The following NDST4 variants were observed in gnomAD, a reference collection of about 807,000 sequenced individuals.
NDST4 encodes N-heparan sulfate sulfotransferase 4.
A neutral mutation model predicts 100.8 loss-of-function variants in NDST4; 63 were observed. The observed-to-expected ratio is 0.62, with a 90% CI of 0.51 to 0.77. The LOEUF is 0.77. Ranked by LOEUF, NDST4 falls within the 30% of genes least tolerant of loss-of-function variation. The pLI, the probability that NDST4 is intolerant of heterozygous loss-of-function variation, is 0.00. For missense variants in NDST4, 943 were observed against 1,018.4 expected, an observed-to-expected ratio of 0.93 and a Z score of 1.01; for synonymous variants, 377 against 361.8, an observed-to-expected ratio of 1.04 and a Z score of -0.48.
chr4:114,977,147 T>C (rs760752508), intron 3 of NDST4, 40 bp downstream of exon 3: 4 of 1,224,460 alleles, frequency 3.3e-6, no homozygotes, highest in East Asian at 2.3e-5. Flanking sequence ...TTATTTCCTA[T>C]TTATATGTAG....
chr4:114,955,339 G>A (rs1353996931), intron 4 of NDST4, among the ~76,000 whole-genome samples: 2 of 152,040 alleles, frequency 1.3e-5, no homozygotes, highest in African/African-American at 2.4e-5. Flanking sequence ...CTACAGGAAC[G>A]GAGGCACACT....
At chr4:115,073,868 T>A in intron 2 of NDST4, among the ~76,000 whole-genome samples, 1 of 152,090 alleles carries the variant, frequency 6.6e-6, no homozygotes, top group Non-Finnish European at 1.5e-5. Context: ...TCTAAACATT[T>A]CATTATTTAC....
intron 2 of NDST4, among the ~76,000 whole-genome samples, chr4:115,025,238 G>T (rs1315542619): frequency 6.6e-6 from 1 of 151,884 alleles, no homozygotes; most frequent in Non-Finnish European, 1.5e-5. Flanking sequence ...AGCCTCAACA[G>T]CCTAGAACAT....
intron 2 of NDST4, among the ~76,000 whole-genome samples, chr4:115,007,113 T>C (rs939032616): frequency 6.6e-6 from 1 of 152,148 alleles, no homozygotes; most frequent in African/African-American, 2.4e-5. Context: ...GAAATGGAGA[T>C]ACTGATAGTT....
At chr4:115,108,707 C>T (rs1423295423) in intron 1 of NDST4, among the ~76,000 whole-genome samples, 1 of 151,862 alleles carries the variant, frequency 6.6e-6, no homozygotes, top group Non-Finnish European at 1.5e-5. Flanking sequence ...GGTGGAAGAA[C>T]AGCCCATATG....
intron 6 of NDST4, among the ~76,000 whole-genome samples, chr4:114,899,787 A>T (rs923836759): frequency 2.0e-5 from 3 of 152,012 alleles, no homozygotes; most frequent in Non-Finnish European, 4.4e-5. Flanking sequence ...ATTGGTCTGT[A>T]GTTTTTGTTT....
chr4:114,896,054 AAATATTAAGT>A (rs1334993439), intron 6 of NDST4, among the ~76,000 whole-genome samples: 1 of 152,198 alleles, frequency 6.6e-6, no homozygotes, highest in Non-Finnish European at 1.5e-5. Flanking sequence ...TTCTAATACA[AAATATTAAGT>A]AATATCAAAA....
Position 115,076,791 on chromosome 4 carries a change from GAGA to G in NDST4, c.243_245del (p.Leu82del), listed in dbSNP as rs1729195066. ...GTTGAGAGTATTGGCTCTCCACGAAGAGAAGGACAGTAGGGTCCGTTTTGGATG... is the reference window on the plus strand; with the variant it reads ...GTTGAGAGTATTGGCTCTCCACGAAGAGGACAGTAGGGTCCGTTTTGGATG... On this transcript the variant is annotated inframe_deletion, in exon 2 of 14. Coordinates refer to ENST00000264363, the MANE Select transcript of NDST4 (RefSeq NM_022569.3). 1.2e-6 allele frequency: 2 copies of G among 1,613,978 alleles called. No individual in the cohort carries two copies. Among genetic ancestry groups the G allele is most frequent in the Non-Finnish European group, 1.7e-6 (2 of 1,179,938 alleles).
rs556722144 is a variant in NDST4, at chr4:115,000,963, G to C, written c.979-23689C>G. Among the ~76,000 whole-genome samples the C allele has an allele frequency of 2.0e-5, 3 of 152,176 alleles. No homozygotes were observed. The South Asian group carries it at 6.2e-4, about 32-fold the overall frequency. ...ATGTGTGGCCTCACATGGTGGAAAG[G>C]ATGCATGAACTCCCCTGGGCACCTT... On this transcript the variant is annotated intron_variant, in intron 2 of 13. Transcript: ENST00000264363.
intron 6 of NDST4, among the ~76,000 whole-genome samples, chr4:114,895,785 C>G (rs1483579863): frequency 2.0e-5 from 3 of 151,934 alleles, no homozygotes; most frequent in African/African-American, 7.3e-5. Context: ...CTAACCTGCA[C>G]ATTGTGCACA....
intron 2 of NDST4, among the ~76,000 whole-genome samples, chr4:115,004,419 C>A (rs528392336): frequency 1.3e-5 from 2 of 152,072 alleles, no homozygotes; most frequent in African/African-American, 4.8e-5. Flanking sequence ...GGAGGTAAAG[C>A]GAATTTGCAG....
intron 13 of NDST4, among the ~76,000 whole-genome samples, chr4:114,829,165 A>G (rs113194251): frequency 0.026 from 3,964 of 152,216 alleles, 185 homozygotes; most frequent in African/African-American, 0.091. Flanking sequence ...AGAAATATGT[A>G]TGATACCTGG....
At chr4:114,988,529 T>G (rs1436558339) in intron 2 of NDST4, among the ~76,000 whole-genome samples, 1 of 151,462 alleles carries the variant, frequency 6.6e-6, no homozygotes, top group African/African-American at 2.4e-5. Context: ...GCCTGGCTAA[T>G]TTTTTGTATT....
At chr4:115,102,364 A>C (rs544069280) in intron 1 of NDST4, among the ~76,000 whole-genome samples, 22 of 152,278 alleles carry the variant, frequency 1.4e-4, no homozygotes, top group African/African-American at 5.1e-4. Flanking sequence ...TAAAGGAGAG[A>C]GAAAAATGAT....
chr4:114,912,297 G>A (rs1441279973), intron 6 of NDST4, among the ~76,000 whole-genome samples: 1 of 152,152 alleles, frequency 6.6e-6, no homozygotes, highest in Non-Finnish European at 1.5e-5. Flanking sequence ...TGGTGGCTGT[G>A]AAGGGAAGCA....
chr4:115,078,276 T>C (rs992560851), intron 1 of NDST4, among the ~76,000 whole-genome samples: 1 of 152,060 alleles, frequency 6.6e-6, no homozygotes, highest in African/African-American at 2.4e-5. Context: ...GTGCCAGGTA[T>C]CTCACATGGT....
intron 2 of NDST4, among the ~76,000 whole-genome samples, chr4:115,028,906 G>C (rs1014374853): frequency 6.6e-6 from 1 of 152,094 alleles, no homozygotes; most frequent in African/African-American, 2.4e-5. Context: ...AAAAGTGATG[G>C]CAGGGAGTAG....
chr4:114,940,700 C>A (rs1294200755), intron 4 of NDST4, among the ~76,000 whole-genome samples: 1 of 152,154 alleles, frequency 6.6e-6, no homozygotes, highest in Non-Finnish European at 1.5e-5. Context: ...TACCCAAGTT[C>A]TTGTCCAGTG....
At chr4:114,890,475 CT>C (rs1367216287) in intron 6 of NDST4, among the ~76,000 whole-genome samples, 2 of 151,938 alleles carry the variant, frequency 1.3e-5, no homozygotes, top group East Asian at 1.9e-4. Context: ...CTCTAAACAC[CT>C]TTTTTTCTCA....
Sources: allele counts gnomAD v4.1 joint callset (sites outside exome capture counted in the v4.1 genomes callset), GRCh38; gene constraint gnomAD v4.1.1; transcripts MANE v1.5; gene names NCBI Gene and HGNC (gene_info 2026-07-23, HGNC 2026-07-21).